The following ZFP28 variants were observed in gnomAD, a reference collection of about 807,000 sequenced individuals.
ZFP28 encodes the protein ZFP28 zinc finger protein, also known as zinc finger protein 28 homolog.
ZFP28 carries 31 observed loss-of-function variants against 39.5 expected under a neutral mutation model. The observed-to-expected ratio is 0.79, with a 90% CI of 0.59 to 1.06. The LOEUF (loss-of-function observed/expected upper bound fraction) is 1.06, where lower values mean the gene tolerates loss of function less well. Ranked by LOEUF, ZFP28 falls within the 50% of genes least tolerant of loss-of-function variation. The pLI is 0.00. For missense variants in ZFP28, 925 were observed against 1,048.4 expected, an observed-to-expected ratio of 0.88 and a Z score of 1.63; for synonymous variants, 400 against 378.6, an observed-to-expected ratio of 1.06 and a Z score of -0.66.
In ZFP28 at chr19:56,553,857, A is replaced by G. The variant is rs773894057; in HGVS notation, c.1072A>G (p.Arg358Gly). The G allele has an allele frequency of 1.9e-6, 3 of 1,614,092 alleles. No homozygotes were observed. Among genetic ancestry groups the G allele is most frequent in the Non-Finnish European group, 2.5e-6 (3 of 1,180,044 alleles). ...KLAVGQETQF[R>G]QEPITHNKTL... ...TGCAGTAGGTCAAGAGACACAATTC[A>G]GGCAAGAGCCAATTACTCATAACAA... Residue 358 changes from arginine (R) to glycine (G), a missense_variant, in exon 8 of 8, where the codon AGG becomes GGG. By Grantham distance (125) the Arg-to-Gly change is moderately radical (BLOSUM62 -2). Coordinates refer to ENST00000301318, the MANE Select transcript of ZFP28 (RefSeq NM_020828.2).
At position 56,549,075 on chromosome 19, in the gene ZFP28, T is replaced by C. The variant is rs375206060; in HGVS notation, c.641T>C (p.Leu214Pro). Residue 214 changes from leucine to proline, a missense_variant, in exon 5 of 8, where the codon CTG becomes CCG. Around this residue, in one of 2 missense-constraint regions of ZFP28, gnomAD observed 556 missense variants for 542.9 expected, o/e 1.02. Transcript: ENST00000301318. ...RLTSYNLEYS[L>P]LGEHWDYDAL... The stretch of plus-strand genomic sequence containing the variant: ...ACAAGCTATAATCTGGAGTACTCTC[T>C]GTTAGGGGAACACTGGGATTATGAT... The C allele has an allele frequency of 6.8e-6, 11 of 1,613,504 alleles. No homozygotes were observed. Among genetic ancestry groups the C allele is most frequent in the Non-Finnish European group, 8.5e-6 (10 of 1,179,862 alleles).
chr19:56,555,597 C>A lies in ZFP28; in HGVS notation c.*205C>A, dbSNP rs2044344080. 1 of 618,222 alleles carries A rather than the reference C, an allele frequency of 1.6e-6. No individual in the cohort carries two copies. Among genetic ancestry groups the A allele is most frequent in the East Asian group, 3.1e-5 (1 of 32,776 alleles). 38.3% of individuals were successfully genotyped at this position (618,222 alleles called of 1,614,324 possible). On this transcript the variant is annotated 3_prime_UTR_variant, in exon 8 of 8. Transcript: ENST00000301318. ...CACAGTGCCTGGTCCATAGTAAGTG[C>A]TCAGTAAACTTAGCTGTTTTAAAAA...
Position 56,555,588 on chromosome 19 carries a change from T to C in ZFP28, c.*196T>C. On this transcript the variant is annotated 3_prime_UTR_variant, in exon 8 of 8. Coordinates refer to ENST00000301318, the MANE Select transcript of ZFP28 (RefSeq NM_020828.2). ...TGTGCTCAGCACAGTGCCTGGTCCA[T>C]AGTAAGTGCTCAGTAAACTTAGCTG... 2.9e-6 allele frequency: 2 copies of C among 686,882 alleles called. No individual in the cohort carries two copies. Among genetic ancestry groups the C allele is most frequent in the Non-Finnish European group, 4.5e-6 (2 of 441,318 alleles). The allele number at this position is 686,882 out of a possible 1,614,324, so 42.5% of individuals were successfully genotyped here.
At chr19:56,542,858 G>C (rs762159444) in intron 2 of ZFP28, among the ~76,000 whole-genome samples, 3 of 151,758 alleles carry the variant, frequency 2.0e-5, no homozygotes, top group Admixed American at 6.6e-5. Context: ...CTCAAACTCC[G>C]GGCCTCAAGC....
chr19:56,556,626 CTAGAG>C lies in ZFP28; in HGVS notation c.*1240_*1244del, dbSNP rs972051754. 9.9e-5 allele frequency: 15 copies of C among 151,950 alleles called. No individual in the cohort carries two copies. Among genetic ancestry groups the C allele is most frequent in the African/African-American group, 1.5e-4 (6 of 41,330 alleles). 9.4% of individuals were successfully genotyped at this position (151,950 alleles called of 1,614,324 possible). On this transcript the variant is annotated 3_prime_UTR_variant, in exon 8 of 8. Coordinates refer to ENST00000301318, the MANE Select transcript of ZFP28 (RefSeq NM_020828.2). ...AACAGAAAGTTTGCCAACCTCTGCT[CTAGAG>C]TAGAGAAAAATGTATAAAAGATTTT... is the stretch of plus-strand genomic sequence containing the variant.
intron 2 of ZFP28, 113 bp downstream of exon 2, chr19:56,539,829 T>A: frequency 1.1e-6 from 1 of 927,230 alleles, no homozygotes; most frequent in South Asian, 1.6e-5. Flanking sequence ...GGCGCGGGTT[T>A]CTATTTCTTC....
In ZFP28 at chr19:56,539,107, G is replaced by A. The variant is rs1461985421; in HGVS notation, c.89G>A (p.Gly30Asp). Reference protein sequence around the residue: ...APRTKPRAGRGPTVGTPATLA... With the variant: ...APRTKPRAGRDPTVGTPATLA... ...CGCACAAAGCCCCGGGCGGGCCGAG[G>A]CCCGACTGTAGGGACTCCAGCCACC... The change falls in exon 1 of 8, where the codon GGC (glycine) becomes GAC (aspartate). Residue 30 changes from glycine to aspartate, a missense_variant. Physicochemically the swap from Gly to Asp is moderately conservative, Grantham distance 94 (BLOSUM62 -1). Around this residue, in one of 2 missense-constraint regions of ZFP28, gnomAD observed 556 missense variants for 542.9 expected, o/e 1.02. Coordinates refer to ENST00000301318, the MANE Select transcript of ZFP28 (RefSeq NM_020828.2). 3.2e-6 allele frequency: 5 copies of A among 1,560,222 alleles called. No individual in the cohort carries two copies. The highest frequency in any genetic ancestry group is 1.8e-5 in the Admixed American group (1 of 54,352).
At chr19:56,550,422 G>C (rs1438376627) in intron 6 of ZFP28, 88 bp from the exon 7 acceptor site, 20 of 1,193,832 alleles carry the variant, frequency 1.7e-5, no homozygotes. Context: ...TCTTTCAGCA[G>C]TAACACTTTT....
chr19:56,549,625 C>T (rs111762919), intron 5 of ZFP28, among the ~76,000 whole-genome samples: 2,623 of 151,650 alleles, frequency 0.017, 33 homozygotes, highest in Non-Finnish European at 0.028. Flanking sequence ...TGCAGTGAGC[C>T]GAGATCGCGC....
At chr19:56,538,768 GGGGCGGGGCGGGGCGGGGC>G (rs2044159015), upstream of ZFP28, among the ~76,000 whole-genome samples, 1 of 368 alleles carries the variant, frequency 2.7e-3, no homozygotes, top group East Asian at 0.12. Context: ...TCTAGGCTGA[GGGGCGGGGCGGGGCGGGGC>G]GGGGCGGGGC....
chr19:56,538,073 G>A (rs999270801), upstream of ZFP28: 2 of 152,228 alleles, frequency 1.3e-5, no homozygotes, highest in African/African-American at 4.8e-5. Context: ...CAGCCCAGAC[G>A]AAAATTTGGG....
rs1568483249 is a variant in ZFP28, at chr19:56,539,692, A to G, written c.276A>G (p.Gly92=). The G allele has an allele frequency of 6.2e-7, 1 of 1,614,102 alleles. No individual in the cohort carries two copies. Among genetic ancestry groups the G allele is most frequent in the South Asian group, 1.1e-5 (1 of 91,082 alleles). Residue 92 remains glycine, a synonymous_variant, in exon 2 of 8, where the codon GGA becomes GGG. Transcript: ENST00000301318. Reference sequence around the variant, plus strand: ...AGAAGCTGGAGGCTGTGGGGACAGGAATTGAACCTAAAGCCATGTCCCAGG... The same window carrying G: ...AGAAGCTGGAGGCTGTGGGGACAGGGATTGAACCTAAAGCCATGTCCCAGG... The part of the protein sequence containing the change: ...RNKKLEAVGT[G]IEPKAMSQGL...
Position 56,549,059 on chromosome 19 carries a change from A to G in ZFP28, c.625A>G (p.Asn209Asp). Residue 209 changes from asparagine (N) to aspartate (D), a missense_variant, in exon 5 of 8, where the codon AAT becomes GAT. Transcript: ENST00000301318. Reference sequence around the variant, plus strand: ...GATAACAGAGAGACTCACAAGCTATAATCTGGAGTACTCTCTGTTAGGGGA... The same window carrying G: ...GATAACAGAGAGACTCACAAGCTATGATCTGGAGTACTCTCTGTTAGGGGA... ...AVITERLTSY[N>D]LEYSLLGEHW... The G allele has an allele frequency of 6.2e-7, 1 of 1,614,110 alleles. No individual in the cohort carries two copies. The highest frequency in any genetic ancestry group is 8.5e-7 in the Non-Finnish European group (1 of 1,180,020).
chr19:56,553,397 G>A (rs985848160), intron 7 of ZFP28, among the ~76,000 whole-genome samples: 1 of 151,942 alleles, frequency 6.6e-6, no homozygotes, highest in East Asian at 1.9e-4. Context: ...ATTTTAAAAA[G>A]TTTTTTAGAG....
intron 2 of ZFP28, among the ~76,000 whole-genome samples, chr19:56,543,881 T>C (rs1354662543): frequency 6.6e-6 from 1 of 152,208 alleles, no homozygotes; most frequent in Non-Finnish European, 1.5e-5. Flanking sequence ...TTACTGCTAT[T>C]ATCAAAGTGG....
chr19:56,546,452 A>C (rs2044242198), intron 2 of ZFP28: 1 of 152,228 alleles, frequency 6.6e-6, no homozygotes, highest in African/African-American at 2.4e-5. Flanking sequence ...GTTGGTCAAG[A>C]AAATCCTGCT....
At chr19:56,538,608 C>T (rs996090905), upstream of ZFP28, 2 of 151,916 alleles carry the variant, frequency 1.3e-5, no homozygotes, top group Non-Finnish European at 2.9e-5. Flanking sequence ...TGCATAGGCC[C>T]GGGGCCAAAC....
chr19:56,553,320 A>C (rs1231079845), intron 7 of ZFP28, among the ~76,000 whole-genome samples: 1 of 152,112 alleles, frequency 6.6e-6, no homozygotes, highest in East Asian at 1.9e-4. Context: ...TCCTAGGCTC[A>C]AGCAATCCCC....
chr19:56,546,352 C>T (rs1264594562), intron 2 of ZFP28: 1 of 152,190 alleles, frequency 6.6e-6, no homozygotes, highest in African/African-American at 2.4e-5. Flanking sequence ...GTTTAAAATA[C>T]ATTGGAACGT....
Sources: allele counts gnomAD v4.1 joint callset (sites outside exome capture counted in the v4.1 genomes callset), GRCh38; gene constraint gnomAD v4.1.1; regional missense constraint gnomAD v4.1.1; transcripts MANE v1.5; gene names NCBI Gene and HGNC (gene_info 2026-07-23, HGNC 2026-07-21).